PRDM16: variants seen among roughly 807,000 people sequenced by gnomAD.
The protein encoded by PRDM16 is histone-lysine N-methyltransferase PRDM16.
In PRDM16, 23 loss-of-function variants were observed where a neutral mutation model predicts 110.6. The ratio of observed to expected loss-of-function variants is 0.21; its 90% CI spans 0.15 to 0.29. The LOEUF (loss-of-function observed/expected upper bound fraction) is 0.29. Among genes scored for constraint, PRDM16 ranks in the 10% least tolerant of loss-of-function variants. The pLI is 1.00. For synonymous variants in PRDM16, 799 were observed against 781.8 expected, an observed-to-expected ratio of 1.02 and a Z score of -0.37; for missense variants, 1,615 against 1,794.3, an observed-to-expected ratio of 0.90 and a Z score of 1.81.
intron 3 of PRDM16, among the ~76,000 whole-genome samples, chr1:3,336,819 T>G (rs964386902): frequency 6.6e-6 from 1 of 151,596 alleles, no homozygotes; most frequent in Non-Finnish European, 1.5e-5. Flanking sequence ...GGAGTGAGTC[T>G]GTGTGTGCAT....
intron 1 of PRDM16, among the ~76,000 whole-genome samples, chr1:3,082,271 T>C (rs539923955): frequency 6.6e-6 from 1 of 152,112 alleles, no homozygotes; most frequent in Admixed American, 6.5e-5. Flanking sequence ...AGGGGAAGTT[T>C]TCTGTTCCTT....
At chr1:3,166,487 C>G (rs1643958501) in intron 1 of PRDM16, among the ~76,000 whole-genome samples, 2 of 152,272 alleles carry the variant, frequency 1.3e-5, no homozygotes. Context: ...GCTAAGCCCA[C>G]TTGGTTTGGC....
Position 3,370,591 on chromosome 1 carries a change from A to G in PRDM16, c.439-14561A>G, listed in dbSNP as rs919646435. On this transcript the variant is annotated intron_variant, in intron 3 of 16. Transcript: ENST00000270722. The surrounding 1 kb of genome is among the most constrained non-coding windows in gnomAD (Gnocchi z 4.8). The stretch of plus-strand genomic sequence containing the variant: ...ATAGCCATGGCCCAGTGCAGTGTCC[A>G]TGCTAAGAAGGGCAGGGACTGTGAG... Among the ~76,000 whole-genome samples, 1 of 152,162 alleles carries G rather than the reference A, an allele frequency of 6.6e-6. No individual in the cohort carries two copies. Among genetic ancestry groups the G allele is most frequent in the Non-Finnish European group, 1.5e-5 (1 of 68,030 alleles).
At chr1:3,205,593 G>C (rs1256056981) in intron 2 of PRDM16, among the ~76,000 whole-genome samples, 2 of 152,136 alleles carry the variant, frequency 1.3e-5, no homozygotes. Flanking sequence ...GTAAATATTT[G>C]TTGAATTCAT....
rs368820898 is a variant in PRDM16, at chr1:3,434,737, G to T, written c.*926G>T. 130 of 232,534 alleles carry T rather than the reference G, an allele frequency of 5.6e-4. No homozygotes were observed. The highest frequency in any genetic ancestry group is 2.6e-3 in the African/African-American group (120 of 45,416). The allele number at this position is 232,534 out of a possible 1,614,324, so 14.4% of individuals were successfully genotyped here. A position where few individuals can be genotyped will look rare whatever the true frequency, so the allele number is the denominator to read the frequency against. On this transcript the variant is annotated 3_prime_UTR_variant, in exon 17 of 17. Transcript: ENST00000270722. Reference sequence around the variant, plus strand: ...TATATGGGGAAGTCGAGGGCCTGTGGCTTGGATCCGCCATGCAGAGATGTG... The same window carrying T: ...TATATGGGGAAGTCGAGGGCCTGTGTCTTGGATCCGCCATGCAGAGATGTG...
chr1:3,319,300 T>G (rs1641685928), intron 3 of PRDM16, among the ~76,000 whole-genome samples: 1 of 152,062 alleles, frequency 6.6e-6, no homozygotes, highest in South Asian at 2.1e-4. Context: ...AAGGGAGAGA[T>G]TAGGAGCTGG....
intron 2 of PRDM16, among the ~76,000 whole-genome samples, chr1:3,217,254 C>T (rs1008633554): frequency 2.0e-5 from 3 of 152,266 alleles, no homozygotes; most frequent in East Asian, 1.9e-4. Flanking sequence ...GGGCGGCTGG[C>T]GTCCAGCTCC....
Position 3,385,238 on chromosome 1 carries a change from G to C in PRDM16, c.525G>C (p.Ala175=), listed in dbSNP as rs761677255. The C allele has an allele frequency of 1.7e-5, 27 of 1,613,602 alleles. No individual in the cohort carries two copies. The highest frequency in any genetic ancestry group is 2.1e-5 in the Non-Finnish European group (25 of 1,180,010). The change falls in exon 4 of 17, where the codon GCG becomes GCC. Residue 175 remains alanine, a synonymous_variant. Coordinates refer to ENST00000270722, the MANE Select transcript of PRDM16 (RefSeq NM_022114.4). ...AGSWLKYIRV[A]CSCDDQNLTM... ...GCTGGCTCAAGTACATCCGTGTGGC[G>C]TGCTCCTGCGATGACCAGAACCTCA...
At chr1:3,266,562 G>T (rs1457424076) in intron 3 of PRDM16, among the ~76,000 whole-genome samples, 10 of 152,210 alleles carry the variant, frequency 6.6e-5, no homozygotes, top group Non-Finnish European at 1.3e-4. Flanking sequence ...CCAGGGGCAG[G>T]AGCCACTCCC....
At chr1:3,333,179 G>C (rs114962676) in intron 3 of PRDM16, among the ~76,000 whole-genome samples, 2,727 of 152,290 alleles carry the variant, frequency 0.018, 85 homozygotes, top group African/African-American at 0.062. Flanking sequence ...GTGGGGAGGA[G>C]AGCCAGGTGT....
intron 3 of PRDM16, among the ~76,000 whole-genome samples, chr1:3,363,925 C>G (rs1187948469): frequency 1.3e-5 from 2 of 152,182 alleles, no homozygotes; most frequent in Non-Finnish European, 2.9e-5. Flanking sequence ...AGCCAGCCCG[C>G]TACGCACACC....
rs1212235784 is a variant in PRDM16 at position 3,435,745 on chromosome 1, C to T, written c.*1934C>T. Reference sequence around the variant, plus strand: ...GCGGTGACGGGAGGTGTCCTGGCTGCTCCAGGACAAAAGACAATCGTCTCT... The same window carrying T: ...GCGGTGACGGGAGGTGTCCTGGCTGTTCCAGGACAAAAGACAATCGTCTCT... On this transcript the variant is annotated 3_prime_UTR_variant, in exon 17 of 17. Transcript: ENST00000270722. 4 of 232,564 alleles carry T rather than the reference C, an allele frequency of 1.7e-5. No homozygotes were observed. The highest frequency in any genetic ancestry group is 8.8e-5 in the African/African-American group (4 of 45,280). 14.4% of individuals were successfully genotyped at this position (232,564 alleles called of 1,614,324 possible). A position where few individuals can be genotyped will look rare whatever the true frequency, so the allele number is the denominator to read the frequency against.
At chr1:3,420,282 G>A (rs987324185) in intron 12 of PRDM16, among the ~76,000 whole-genome samples, 1 of 152,178 alleles carries the variant, frequency 6.6e-6, no homozygotes, top group African/African-American at 2.4e-5. Flanking sequence ...GGTGGTTTCT[G>A]GACTGGCTTT....
chr1:3,343,772 C>T (rs1428852877), intron 3 of PRDM16, among the ~76,000 whole-genome samples: 2 of 152,084 alleles, frequency 1.3e-5, no homozygotes, highest in Non-Finnish European at 2.9e-5. Flanking sequence ...TCCCAAGTAG[C>T]TGGGACTACA....
At chr1:3,431,867 G>A in intron 15 of PRDM16, 99 bp from the exon 16 acceptor site, 1 of 1,190,790 alleles carries the variant, frequency 8.4e-7, no homozygotes, top group Non-Finnish European at 1.2e-6. Flanking sequence ...AGATGCAGCG[G>A]CGTGCATGCA....
At chr1:3,181,366 ACACACG>A (rs1557508883) in intron 1 of PRDM16, among the ~76,000 whole-genome samples, 11 of 79,974 alleles carry the variant, frequency 1.4e-4, no homozygotes, top group African/African-American at 4.6e-4. Flanking sequence ...ACACGGTCTT[ACACACG>A]CAGTCTTACA....
intron 3 of PRDM16, among the ~76,000 whole-genome samples, chr1:3,338,605 G>T (rs766002526): frequency 2.0e-5 from 3 of 152,220 alleles, no homozygotes; most frequent in African/African-American, 4.8e-5. Flanking sequence ...GCCTCTGGGT[G>T]CTCAGCCCCT....
intron 1 of PRDM16, among the ~76,000 whole-genome samples, chr1:3,185,817 T>TC (rs2100796892): frequency 6.6e-6 from 1 of 152,322 alleles, no homozygotes; most frequent in South Asian, 2.1e-4. Flanking sequence ...ACCCGGCGCA[T>TC]CCTCAGGTGG....
intron 2 of PRDM16, among the ~76,000 whole-genome samples, chr1:3,187,006 T>A (rs1027661639): frequency 6.6e-6 from 1 of 152,204 alleles, no homozygotes; most frequent in Non-Finnish European, 1.5e-5. Flanking sequence ...CAGGGAGGGA[T>A]GGCTGGCTGT....
Sources: gnomAD v4.1 joint callset for allele counts (sites outside exome capture counted in the v4.1 genomes callset) on GRCh38, gnomAD v4.1.1 for gene constraint, Gnocchi (gnomAD v3.1) non-coding constraint, MANE v1.5 for transcripts, NCBI Gene and HGNC (gene_info 2026-07-23, HGNC 2026-07-21) for gene names.